CEP128: variants seen among roughly 807,000 people sequenced by gnomAD.
CEP128 encodes centrosomal protein 128.
CEP128 carries 132 observed loss-of-function variants against 156.7 expected under a neutral mutation model. That is an observed-to-expected ratio of 0.84 (90% CI 0.73 to 0.97). The LOEUF (loss-of-function observed/expected upper bound fraction) is 0.97, where lower values mean the gene tolerates loss of function less well. Among genes scored for constraint, CEP128 ranks in the 50% least tolerant of loss-of-function variants. CEP128 has a pLI of 0.00. For missense variants in CEP128, 1,252 were observed against 1,281.9 expected (o/e 0.98, Z 0.36); for synonymous variants, 469 against 448.9 (o/e 1.04, Z -0.57).
At chr14:80,496,149 C>T (rs375878163), downstream of CEP128, among the ~76,000 whole-genome samples, 200 of 152,240 alleles carry the variant, frequency 1.3e-3, no homozygotes, top group Non-Finnish European at 2.4e-3. Flanking sequence ...ACAAACTTTG[C>T]GACATGCATA....
At chr14:80,624,363 T>C (rs1463753947) in intron 19 of CEP128, among the ~76,000 whole-genome samples, 1 of 152,210 alleles carries the variant, frequency 6.6e-6, no homozygotes, top group African/African-American at 2.4e-5. Flanking sequence ...TCTTAGCTAT[T>C]ATGAATAGAG....
At chr14:80,639,760 C>G (rs1894334235) in intron 19 of CEP128, among the ~76,000 whole-genome samples, 2 of 152,142 alleles carry the variant, frequency 1.3e-5, no homozygotes, top group Non-Finnish European at 2.9e-5. Flanking sequence ...ATAATTCAAA[C>G]TTCCCCACTC....
intron 8 of CEP128, among the ~76,000 whole-genome samples, chr14:80,870,310 C>T (rs144372837): frequency 6.6e-6 from 1 of 152,018 alleles, no homozygotes; most frequent in Non-Finnish European, 1.5e-5. Flanking sequence ...AAGCCAATAT[C>T]CCCGATGAAC....
intron 19 of CEP128, among the ~76,000 whole-genome samples, chr14:80,617,988 G>A (rs542209469): frequency 1.3e-5 from 2 of 152,168 alleles, no homozygotes; most frequent in Non-Finnish European, 2.9e-5. Context: ...TCTATAAAAT[G>A]GGGATGGACT....
chr14:80,830,123 G>A (rs1375023242), intron 13 of CEP128: 1 of 455,328 alleles, frequency 2.2e-6, no homozygotes, highest in African/African-American at 2.0e-5. Context: ...TAATACCCAT[G>A]AAGCAAACTT....
At chr14:80,525,536 G>GTATAGGTA (rs1888935048) in intron 23 of CEP128, among the ~76,000 whole-genome samples, 1 of 152,118 alleles carries the variant, frequency 6.6e-6, no homozygotes, top group South Asian at 2.1e-4. Flanking sequence ...TTGTATTTCT[G>GTATAGGTA]TATAGGTTAG....
chr14:80,714,528 T>A (rs780155634), intron 19 of CEP128, among the ~76,000 whole-genome samples: 3 of 152,168 alleles, frequency 2.0e-5, no homozygotes, highest in Non-Finnish European at 4.4e-5. Context: ...AAAGAAGGCA[T>A]GACTGACACT....
chr14:80,625,037 A>G (rs1237428738), intron 19 of CEP128, among the ~76,000 whole-genome samples: 2 of 152,254 alleles, frequency 1.3e-5, no homozygotes, highest in African/African-American at 4.8e-5. Context: ...CTTTCCCTGT[A>G]GTAATTTTAT....
chr14:80,499,019 C>T (rs1245323218), intron 24 of CEP128, among the ~76,000 whole-genome samples: 2 of 152,158 alleles, frequency 1.3e-5, no homozygotes, highest in Non-Finnish European at 2.9e-5. Flanking sequence ...ATACCTGAAC[C>T]ACTGTCACAT....
chr14:80,508,876 C>T (rs1477834952), intron 23 of CEP128, among the ~76,000 whole-genome samples: 4 of 152,108 alleles, frequency 2.6e-5, no homozygotes, highest in Admixed American at 6.6e-5. Context: ...TGATTTCACA[C>T]TGTGATAAAG....
intron 8 of CEP128, among the ~76,000 whole-genome samples, chr14:80,878,316 T>C (rs1888378087): frequency 6.6e-6 from 1 of 152,168 alleles, no homozygotes; most frequent in Non-Finnish European, 1.5e-5. Context: ...ACACCCCATC[T>C]ACCTGAAACT....
chr14:80,758,205 C>T (rs1458581092), intron 17 of CEP128, among the ~76,000 whole-genome samples: 1 of 152,046 alleles, frequency 6.6e-6, no homozygotes, highest in Non-Finnish European at 1.5e-5. Flanking sequence ...TACAGATTTA[C>T]CTATAGCTAC....
At chr14:80,938,728 G>T (rs927439026) in intron 2 of CEP128, among the ~76,000 whole-genome samples, 11 of 151,848 alleles carry the variant, frequency 7.2e-5, no homozygotes, top group African/African-American at 2.7e-4. Flanking sequence ...ATTTATTTAT[G>T]GAAATCACAA....
At chr14:80,844,439 G>A (rs983455629) in intron 9 of CEP128, among the ~76,000 whole-genome samples, 3 of 152,016 alleles carry the variant, frequency 2.0e-5, no homozygotes, top group African/African-American at 7.2e-5. Flanking sequence ...ATTCAATATT[G>A]ATACTATTAT....
downstream of CEP128, among the ~76,000 whole-genome samples, chr14:80,486,664 G>A (rs529908167): frequency 1.3e-4 from 20 of 152,246 alleles, no homozygotes; most frequent in East Asian, 3.9e-4. Flanking sequence ...GACTAACAGC[G>A]GATCTCTCAG....
chr14:80,881,859 T>C (rs1370085818), intron 8 of CEP128, among the ~76,000 whole-genome samples: 2 of 151,956 alleles, frequency 1.3e-5, no homozygotes, highest in African/African-American at 4.8e-5. Flanking sequence ...CCAAGGAATA[T>C]ACCTCAACAT....
At chr14:80,779,455 T>C (rs1407332613) in intron 15 of CEP128, among the ~76,000 whole-genome samples, 1 of 152,210 alleles carries the variant, frequency 6.6e-6, no homozygotes, top group Non-Finnish European at 1.5e-5. Flanking sequence ...TCAGGAAAAT[T>C]GTTCAACTAT....
At chr14:80,488,154 GA>G (rs1431641074), downstream of CEP128, among the ~76,000 whole-genome samples, 24 of 101,632 alleles carry the variant, frequency 2.4e-4, no homozygotes, top group East Asian at 4.4e-3. Context: ...AGAAAAGAGA[GA>G]AGAATCAAAC....
At chr14:80,488,661 G>T (rs1887226151), downstream of CEP128, among the ~76,000 whole-genome samples, 1 of 152,106 alleles carries the variant, frequency 6.6e-6, no homozygotes, top group South Asian at 2.1e-4. Flanking sequence ...TATAAACCAT[G>T]TTGCTATAAA....
Sources: allele counts gnomAD v4.1 joint callset (sites outside exome capture counted in the v4.1 genomes callset), GRCh38; gene constraint gnomAD v4.1.1; transcripts MANE v1.5; gene names NCBI Gene and HGNC (gene_info 2026-07-23, HGNC 2026-07-21).